VPS13B: variants seen among roughly 807,000 people sequenced by gnomAD.
VPS13B encodes the protein vacuolar protein sorting 13 homolog B.
In VPS13B, 285 loss-of-function variants were observed where a neutral mutation model predicts 426.4. The ratio of observed to expected loss-of-function variants is 0.67; its 90% CI spans 0.61 to 0.74. The LOEUF is 0.74. VPS13B is among the 30% of genes least tolerant of loss of function. The probability of loss-of-function intolerance (pLI) is 0.00; values close to 1 mark genes in which losing one functional copy is unlikely to be tolerated. For missense variants in VPS13B, 4,537 were observed against 4,782.6 expected, an observed-to-expected ratio of 0.95 and a Z score of 1.51; for synonymous variants, 1,676 against 1,676.4, an observed-to-expected ratio of 1.00 and a Z score of 0.01.
chr8:99,721,075 GA>G, intron 39 of VPS13B, 28 bp downstream of exon 39: 7 of 1,611,874 alleles, frequency 4.3e-6, no homozygotes, highest in Non-Finnish European at 5.9e-6. Flanking sequence ...ATTGTAAAAT[GA>G]AAACATTGTG....
At chr8:99,406,070 G>A (rs1815311521) in intron 21 of VPS13B, among the ~76,000 whole-genome samples, 1 of 152,056 alleles carries the variant, frequency 6.6e-6, no homozygotes, top group African/African-American at 2.4e-5. Flanking sequence ...GAGCCACCAT[G>A]CCCAGCCGCT....
intron 15 of VPS13B, among the ~76,000 whole-genome samples, chr8:99,161,922 AG>A (rs1447326126): frequency 6.6e-6 from 1 of 152,016 alleles, no homozygotes; most frequent in African/African-American, 2.4e-5. Context: ...TAGTAGAGAC[AG>A]GGTCTCACCA....
intron 39 of VPS13B, among the ~76,000 whole-genome samples, chr8:99,750,499 A>C (rs997088446): frequency 6.6e-6 from 1 of 152,184 alleles, no homozygotes; most frequent in Non-Finnish European, 1.5e-5. Flanking sequence ...TGAAAGCTTA[A>C]AATGAAATAG....
At chr8:99,869,067 AGTAATGG>A (rs1238840120) in intron 59 of VPS13B, among the ~76,000 whole-genome samples, 1 of 152,236 alleles carries the variant, frequency 6.6e-6, no homozygotes, top group Non-Finnish European at 1.5e-5. Context: ...TGCACACACG[AGTAATGG>A]GTGCCTGTGA....
chr8:99,654,058 TA>T (rs1163902441), intron 34 of VPS13B, among the ~76,000 whole-genome samples: 10 of 151,416 alleles, frequency 6.6e-5, no homozygotes, highest in Non-Finnish European at 1.0e-4. Context: ...TTATTATATA[TA>T]TTTTTTTGGG....
intron 13 of VPS13B, among the ~76,000 whole-genome samples, chr8:99,145,314 T>A (rs1271826217): frequency 6.6e-6 from 1 of 152,238 alleles, no homozygotes; most frequent in Admixed American, 6.5e-5. Context: ...TGCACTCATT[T>A]GTGTGCATGT....
At chr8:99,108,344 T>C (rs1847164342) in intron 5 of VPS13B, among the ~76,000 whole-genome samples, 1 of 152,240 alleles carries the variant, frequency 6.6e-6, no homozygotes. Flanking sequence ...AAGATTTATA[T>C]TCATAAGCGT....
intron 28 of VPS13B, 111 bp downstream of exon 28, chr8:99,507,314 C>G (rs1312232699): frequency 8.8e-7 from 1 of 1,137,934 alleles, no homozygotes; most frequent in African/African-American, 1.6e-5. Context: ...AGAATAAATT[C>G]TTATTAGCCT....
chr8:99,280,792 G>A (rs1305588344), intron 19 of VPS13B, among the ~76,000 whole-genome samples: 1 of 152,064 alleles, frequency 6.6e-6, no homozygotes, highest in Non-Finnish European at 1.5e-5. Context: ...TCTTATAAAT[G>A]ACATGAAATA....
chr8:99,724,247 A>G (rs1010853440), intron 39 of VPS13B, among the ~76,000 whole-genome samples: 3 of 152,184 alleles, frequency 2.0e-5, no homozygotes, highest in Non-Finnish European at 4.4e-5. Context: ...ATAAGACACA[A>G]TCAACTCATT....
intron 44 of VPS13B, among the ~76,000 whole-genome samples, chr8:99,811,470 C>G (rs1034054837): frequency 6.6e-6 from 1 of 152,102 alleles, no homozygotes; most frequent in Non-Finnish European, 1.5e-5. Context: ...TTGCTGGGTC[C>G]CAACCCCAGA....
intron 49 of VPS13B, 138 bp from the exon 50 acceptor site, chr8:99,821,155 CA>C (rs1814340498): frequency 1.5e-5 from 10 of 657,432 alleles, no homozygotes; most frequent in Non-Finnish European, 2.3e-5. Flanking sequence ...CACACACACA[CA>C]CACACACACA....
At chr8:99,497,084 AT>A (rs1820926808) in intron 25 of VPS13B, among the ~76,000 whole-genome samples, 1 of 143,860 alleles carries the variant, frequency 7.0e-6, no homozygotes, top group African/African-American at 2.5e-5. Flanking sequence ...TGTAATATAT[AT>A]AAATATATAT....
chr8:99,852,326 C>T (rs1020345608), intron 55 of VPS13B, among the ~76,000 whole-genome samples: 1 of 152,162 alleles, frequency 6.6e-6, no homozygotes, highest in African/African-American at 2.4e-5. Context: ...TAAGTATATA[C>T]TTTGGAAGCC....
chr8:99,858,439 C>G (rs552174005), intron 56 of VPS13B, among the ~76,000 whole-genome samples: 68 of 152,332 alleles, frequency 4.5e-4, no homozygotes, highest in African/African-American at 1.6e-3. Context: ...CAAGGGAACA[C>G]TCCCCTCTCA....
chr8:99,393,602 G>C (rs781504895), intron 21 of VPS13B, among the ~76,000 whole-genome samples: 4 of 152,064 alleles, frequency 2.6e-5, no homozygotes, highest in Non-Finnish European at 4.4e-5. Context: ...TTCACCAAAT[G>C]TATATTCTTA....
chr8:99,663,236 A>G (rs1473339755), intron 35 of VPS13B, among the ~76,000 whole-genome samples: 1 of 152,206 alleles, frequency 6.6e-6, no homozygotes, highest in Non-Finnish European at 1.5e-5. Flanking sequence ...AAAGCCAGTC[A>G]TGGATTAAAC....
At chr8:99,748,739 G>C (rs761941860) in intron 39 of VPS13B, among the ~76,000 whole-genome samples, 23 of 151,956 alleles carry the variant, frequency 1.5e-4, no homozygotes, top group Admixed American at 1.3e-3. Context: ...TTAAGAATAT[G>C]ACTGTGTTTG....
chr8:99,477,359 T>C (rs561473465), intron 24 of VPS13B, among the ~76,000 whole-genome samples: 1 of 152,308 alleles, frequency 6.6e-6, no homozygotes, highest in South Asian at 2.1e-4. Flanking sequence ...TTGTTTGCTT[T>C]TTGTTTTTAA....
Sources: allele counts gnomAD v4.1 joint callset (sites outside exome capture counted in the v4.1 genomes callset), GRCh38; gene constraint gnomAD v4.1.1; transcripts MANE v1.5; gene names NCBI Gene and HGNC (gene_info 2026-07-23, HGNC 2026-07-21).